PRELID2: variants seen among roughly 807,000 people sequenced by gnomAD.
PRELID2 encodes the protein PRELI domain containing 2.
PRELID2 carries 25 observed loss-of-function variants against 28.4 expected under a neutral mutation model. The ratio of observed to expected loss-of-function variants is 0.88; its 90% CI spans 0.64 to 1.23. The LOEUF (loss-of-function observed/expected upper bound fraction) is 1.23, where lower values mean the gene tolerates loss of function less well. PRELID2 is among the 50% of genes most tolerant of loss of function. The pLI is 0.00. For missense variants in PRELID2, 201 were observed against 214.4 expected (o/e 0.94, Z 0.39); for synonymous variants, 76 against 71.6 (o/e 1.06, Z -0.31).
the PRELID2 span, among the ~76,000 whole-genome samples, chr5:145,317,294 C>T: frequency 5.3e-5 from 8 of 152,320 alleles, no homozygotes; most frequent in South Asian, 8.3e-4. Flanking sequence ...TTGGATAAGA[C>T]GTTGCCATCA....
intron 5 of PRELID2, among the ~76,000 whole-genome samples, chr5:145,767,274 G>C (rs909985613): frequency 1.3e-5 from 2 of 151,890 alleles, no homozygotes; most frequent in African/African-American, 4.8e-5. Context: ...CCTCAGAGAG[G>C]AATTCAGCCA....
At chr5:145,309,344 A>T in the PRELID2 span, among the ~76,000 whole-genome samples, 1 of 152,190 alleles carries the variant, frequency 6.6e-6, no homozygotes, top group South Asian at 2.1e-4. Flanking sequence ...GAGAAATGAT[A>T]TGAGCAAAGG....
chr5:145,343,273 C>T, the PRELID2 span, among the ~76,000 whole-genome samples: 2 of 151,756 alleles, frequency 1.3e-5, no homozygotes, highest in African/African-American at 4.8e-5. Context: ...ATGTTATAGG[C>T]CACAAAACAA....
At chr5:145,260,381 A>G in the PRELID2 span, among the ~76,000 whole-genome samples, 1 of 152,186 alleles carries the variant, frequency 6.6e-6, no homozygotes, top group Non-Finnish European at 1.5e-5. Flanking sequence ...GAAGACTTCA[A>G]CTCCTTTCAC....
Position 145,772,417 on chromosome 5 carries a change from C to A in PRELID2, c.475-7417G>T, listed in dbSNP as rs140416448. On this transcript the variant is annotated intron_variant, in intron 5 of 6. Transcript: ENST00000683046. ...TGTGTTGTGCTGCTGTAACAGAATACTATAGGCTGAGTGATTTGTAAACAA... is the reference window on the plus strand; with the variant it reads ...TGTGTTGTGCTGCTGTAACAGAATAATATAGGCTGAGTGATTTGTAAACAA... 3.5e-3 allele frequency among the ~76,000 whole-genome samples: 526 copies of A among 152,222 alleles called. 2 individuals are homozygous for A. The highest frequency in any genetic ancestry group is 0.012 in the African/African-American group (509 of 41,536).
chr5:145,247,419 C>T, the PRELID2 span, among the ~76,000 whole-genome samples: 2 of 152,130 alleles, frequency 1.3e-5, no homozygotes, highest in Non-Finnish European at 2.9e-5. Context: ...CAAGGTGAAC[C>T]CACTGGGTGG....
chr5:145,334,782 T>TA, the PRELID2 span, among the ~76,000 whole-genome samples: 2 of 151,896 alleles, frequency 1.3e-5, no homozygotes, highest in African/African-American at 2.4e-5. Flanking sequence ...TTTTTTTTTT[T>TA]TTTTTTCACC....
chr5:145,776,255 G>C (rs1449603775), intron 5 of PRELID2, among the ~76,000 whole-genome samples: 1 of 152,226 alleles, frequency 6.6e-6, no homozygotes, highest in East Asian at 1.9e-4. Flanking sequence ...TATCCACACT[G>C]TAGACACTGC....
At chr5:145,446,622 T>G in the PRELID2 span, among the ~76,000 whole-genome samples, 1 of 152,144 alleles carries the variant, frequency 6.6e-6, no homozygotes, top group Non-Finnish European at 1.5e-5. Flanking sequence ...TGCCAATCGA[T>G]CGGACATAGA....
chr5:145,289,588 A>T, the PRELID2 span, among the ~76,000 whole-genome samples: 1 of 152,268 alleles, frequency 6.6e-6, no homozygotes, highest in Non-Finnish European at 1.5e-5. Context: ...GTGGACATTC[A>T]TTTTCAAGTT....
chr5:145,539,782 A>T (rs1752731328), intron 1 of PRELID2, among the ~76,000 whole-genome samples: 1 of 151,818 alleles, frequency 6.6e-6, no homozygotes, highest in Non-Finnish European at 1.5e-5. Flanking sequence ...AGTATTTATT[A>T]AATATTACGT....
chr5:145,551,176 G>T (rs982737533), intron 1 of PRELID2, among the ~76,000 whole-genome samples: 2 of 152,166 alleles, frequency 1.3e-5, no homozygotes, highest in Non-Finnish European at 2.9e-5. Flanking sequence ...GCCGAGGGGG[G>T]CAGATCACAA....
In PRELID2 at chr5:145,540,309, A is replaced by C. The variant is rs571359346; in HGVS notation, n.71-66994T>G. Among the ~76,000 whole-genome samples, 6 of 152,160 alleles carry C rather than the reference A, an allele frequency of 3.9e-5. 1 individual carries two copies. The highest frequency in any genetic ancestry group is 1.4e-4 in the African/African-American group (6 of 41,564). ...TAATAAGGGGAAGATAAGAGGCTTC[A>C]GACTGATAAGCCTTATAAACAATAT... On this transcript the variant is annotated intron_variant and non_coding_transcript_variant, in intron 1 of 2. Transcript: ENST00000510259.
chr5:145,763,501 A>C (rs1011112253), intron 6 of PRELID2, among the ~76,000 whole-genome samples: 1 of 152,224 alleles, frequency 6.6e-6, no homozygotes, highest in African/African-American at 2.4e-5. Context: ...ATGGAGTCCA[A>C]CCTGCAAATA....
chr5:145,441,096 G>A, the PRELID2 span: 1 of 152,026 alleles, frequency 6.6e-6, no homozygotes, highest in African/African-American at 2.4e-5. Context: ...AAATGGAAAC[G>A]GCTGAGTCTT....
At chr5:145,616,420 C>T (rs543688627) in intron 1 of PRELID2, among the ~76,000 whole-genome samples, 32 of 152,158 alleles carry the variant, frequency 2.1e-4, no homozygotes, top group Admixed American at 6.5e-4. Flanking sequence ...AGATATTGGG[C>T]GAAATTCACC....
At chr5:145,654,107 A>C (rs2149673108) in intron 1 of PRELID2, among the ~76,000 whole-genome samples, 1 of 152,330 alleles carries the variant, frequency 6.6e-6, no homozygotes. Flanking sequence ...ACCATCAGAG[A>C]ATACTATAAA....
the PRELID2 span, among the ~76,000 whole-genome samples, chr5:145,359,626 A>T: frequency 2.0e-5 from 3 of 152,116 alleles, no homozygotes; most frequent in Admixed American, 2.0e-4. Flanking sequence ...ATCGAAAGCC[A>T]CTCCTTGGAG....
intron 4 of PRELID2, among the ~76,000 whole-genome samples, chr5:145,803,234 T>G (rs1277919192): frequency 6.6e-6 from 1 of 152,176 alleles, no homozygotes; most frequent in Non-Finnish European, 1.5e-5. Context: ...AGAGACTTCT[T>G]GACTCACTGC....
Sources: gnomAD v4.1 joint callset for allele counts (sites outside exome capture counted in the v4.1 genomes callset) on GRCh38, gnomAD v4.1.1 for gene constraint, MANE v1.5 for transcripts, NCBI Gene and HGNC (gene_info 2026-07-23, HGNC 2026-07-21) for gene names.